The following ATP11B variants were observed in gnomAD, a reference collection of about 807,000 sequenced individuals.
ATP11B encodes phospholipid-transporting ATPase IF.
ATP11B carries 81 observed loss-of-function variants against 157.8 expected under a neutral mutation model. That is an observed-to-expected ratio of 0.51 (90% CI 0.43 to 0.62). The LOEUF is 0.62. Among genes scored for constraint, ATP11B ranks in the 20% least tolerant of loss-of-function variants. ATP11B has a pLI of 0.00. For missense variants in ATP11B, 1,165 were observed against 1,402.2 expected (o/e 0.83, Z 2.70); for synonymous variants, 451 against 469.4 (o/e 0.96, Z 0.51).
intron 10 of ATP11B, among the ~76,000 whole-genome samples, chr3:182,852,802 GGGAAAT>G (rs1292124833): frequency 5.9e-5 from 9 of 152,150 alleles, no homozygotes; most frequent in African/African-American, 2.2e-4. Context: ...TTTCTTAGAT[GGGAAAT>G]GTACGGAAAA....
chr3:182,866,935 T>C (rs1383483974), intron 14 of ATP11B, among the ~76,000 whole-genome samples: 3 of 148,968 alleles, frequency 2.0e-5, no homozygotes, highest in Non-Finnish European at 4.4e-5. Context: ...ATATATATTT[T>C]TTTTTCTTTT....
chr3:182,848,626 A>T (rs1049549361), intron 10 of ATP11B, 69 bp downstream of exon 10: 19 of 631,466 alleles, frequency 3.0e-5, no homozygotes, highest in African/African-American at 5.9e-5. Flanking sequence ...TTGGTATAAA[A>T]TATTATATAT....
intron 1 of ATP11B, among the ~76,000 whole-genome samples, chr3:182,812,216 C>T (rs981618610): frequency 6.6e-6 from 1 of 152,100 alleles, no homozygotes; most frequent in Non-Finnish European, 1.5e-5. Flanking sequence ...TTGACTGTGT[C>T]TCCAGCCTAT....
chr3:182,812,835 A>G (rs764548946), intron 1 of ATP11B, among the ~76,000 whole-genome samples: 2 of 152,102 alleles, frequency 1.3e-5, no homozygotes, highest in Non-Finnish European at 2.9e-5. Context: ...GAACTTTTTT[A>G]TCTTCCCAGC....
At chr3:182,835,791 T>C (rs925555420) in intron 4 of ATP11B, among the ~76,000 whole-genome samples, 2 of 152,072 alleles carry the variant, frequency 1.3e-5, no homozygotes, top group Non-Finnish European at 2.9e-5. Flanking sequence ...GGAGCCTCCT[T>C]AAGGAAATTG....
At chr3:182,826,583 T>G (rs964091276) in intron 2 of ATP11B, among the ~76,000 whole-genome samples, 2 of 152,206 alleles carry the variant, frequency 1.3e-5, no homozygotes, top group Admixed American at 6.5e-5. Flanking sequence ...TCTACCTCTC[T>G]TCTTTCTAGA....
chr3:182,815,922 T>G (rs1716941627), intron 1 of ATP11B, among the ~76,000 whole-genome samples: 1 of 152,202 alleles, frequency 6.6e-6, no homozygotes, highest in East Asian at 1.9e-4. Context: ...AAGTATTGTT[T>G]TATGCCAGAG....
At chr3:182,888,931 T>C (rs771155) in intron 24 of ATP11B, among the ~76,000 whole-genome samples, 127,706 of 150,434 alleles carry the variant, frequency 0.85, 54,490 homozygotes, top group African/African-American at 0.9. Flanking sequence ...GGCGTGATCT[T>C]AGCTCACTGC....
Position 182,880,890 on chromosome 3 carries a change from A to G in ATP11B, c.2418A>G (p.Leu806=). The change falls in exon 21 of 30, where the codon CTA becomes CTG. Residue 806 remains leucine (L), a synonymous_variant. Transcript: ENST00000323116. ...ATTATGTCTTTCAGGTAATAAGACT[A>G]ATAAAAATATCACCTGAGAAACCTA... The part of the protein sequence containing the change: ...APLQKAKVIR[L]IKISPEKPIT... 6.3e-7 allele frequency: 1 copy of G among 1,585,088 alleles called. No individual in the cohort carries two copies. Among genetic ancestry groups the G allele is most frequent in the Non-Finnish European group, 8.6e-7 (1 of 1,169,150 alleles).
intron 2 of ATP11B, among the ~76,000 whole-genome samples, chr3:182,822,775 A>G (rs1364845347): frequency 6.6e-6 from 1 of 152,106 alleles, no homozygotes; most frequent in Non-Finnish European, 1.5e-5. Flanking sequence ...CCTCTCCAGC[A>G]CCTGTTGTTT....
intron 18 of ATP11B, among the ~76,000 whole-genome samples, chr3:182,873,224 G>T (rs1721792494): frequency 6.6e-6 from 1 of 151,968 alleles, no homozygotes; most frequent in Admixed American, 6.6e-5. Context: ...CTGTTTCACA[G>T]TTTCTTAAAT....
chr3:182,827,180 C>T (rs563336476), intron 2 of ATP11B, among the ~76,000 whole-genome samples: 1 of 152,172 alleles, frequency 6.6e-6, no homozygotes, highest in African/African-American at 2.4e-5. Context: ...AAATCAATTT[C>T]CCTGTTTCAT....
Position 182,866,279 on chromosome 3 carries a change from T to G in ATP11B, c.1455T>G (p.His485Gln). 6.4e-7 allele frequency: 1 copy of G among 1,571,776 alleles called. No homozygotes were observed. The highest frequency in any genetic ancestry group is 8.7e-7 in the Non-Finnish European group (1 of 1,154,682). The change falls in exon 14 of 30, where the codon CAT becomes CAG. Residue 485 changes from histidine (H) to glutamine (Q), a missense_variant. By Grantham distance (24) the His-to-Gln change is conservative. Transcript: ENST00000323116. ...PENETELIKE[H>Q]DLFFKAVSLC... is the part of the protein sequence containing the mutation. ...TTACATTTTTACAGATTAAAGAACA[T>G]GATCTCTTCTTTAAAGCAGTCAGTC...
intron 2 of ATP11B, among the ~76,000 whole-genome samples, chr3:182,821,424 C>T (rs1231411718): frequency 6.6e-6 from 1 of 152,146 alleles, no homozygotes; most frequent in Non-Finnish European, 1.5e-5. Context: ...GGAATTTAAA[C>T]TCAGTTCTGT....
chr3:182,881,561 C>T (rs1172061341), intron 21 of ATP11B, among the ~76,000 whole-genome samples: 2 of 151,752 alleles, frequency 1.3e-5, no homozygotes, highest in Non-Finnish European at 2.9e-5. Flanking sequence ...AAGAAACTTC[C>T]TATAATTAAG....
chr3:182,836,502 G>A, intron 6 of ATP11B, 32 bp downstream of exon 6: 2 of 1,612,810 alleles, frequency 1.2e-6, no homozygotes, highest in Non-Finnish European at 1.7e-6. Context: ...TATTGCTCTT[G>A]GTGAACAAAG....
At chr3:182,890,041 T>C (rs1223396934) in intron 25 of ATP11B, among the ~76,000 whole-genome samples, 1 of 152,232 alleles carries the variant, frequency 6.6e-6, no homozygotes, top group Non-Finnish European at 1.5e-5. Flanking sequence ...ACATTCTTCA[T>C]TGCACACTCA....
At chr3:182,860,372 A>G in intron 12 of ATP11B, among the ~76,000 whole-genome samples, 1 of 152,140 alleles carries the variant, frequency 6.6e-6, no homozygotes, top group East Asian at 1.9e-4. Flanking sequence ...TTCCATTCTG[A>G]TTCCCAATTC....
At chr3:182,857,370 A>C (rs544637811) in intron 10 of ATP11B, among the ~76,000 whole-genome samples, 3 of 152,178 alleles carry the variant, frequency 2.0e-5, no homozygotes, top group African/African-American at 7.2e-5. Context: ...GATGGTCTCA[A>C]TCTCCTGATC....
Sources: allele counts gnomAD v4.1 joint callset (sites outside exome capture counted in the v4.1 genomes callset), GRCh38; gene constraint gnomAD v4.1.1; transcripts MANE v1.5; gene names NCBI Gene and HGNC (gene_info 2026-07-23, HGNC 2026-07-21).